GABBR2: variants seen among roughly 807,000 people sequenced by gnomAD.
The protein encoded by GABBR2 is G-protein coupled receptor 51.
Under a neutral mutation model 105.6 loss-of-function variants are expected in GABBR2, and 23 were observed. The observed-to-expected ratio is 0.22, with a 90% CI of 0.16 to 0.31. The LOEUF (loss-of-function observed/expected upper bound fraction) is 0.31. Among genes scored for constraint, GABBR2 ranks in the 10% least tolerant of loss-of-function variants. The pLI is 1.00. For synonymous variants in GABBR2, 478 were observed against 499.7 expected, an observed-to-expected ratio of 0.96 and a Z score of 0.58; for missense variants, 734 against 1,245.5, an observed-to-expected ratio of 0.59 and a Z score of 6.18.
intron 1 of GABBR2, among the ~76,000 whole-genome samples, chr9:98,649,527 C>T (rs1830076660): frequency 6.6e-6 from 1 of 152,162 alleles, no homozygotes; most frequent in African/African-American, 2.4e-5. Flanking sequence ...TCTTCATTTT[C>T]CTTTTACCCA....
intron 7 of GABBR2, among the ~76,000 whole-genome samples, chr9:98,424,090 T>C (rs1239716272): frequency 6.6e-6 from 1 of 152,174 alleles, no homozygotes; most frequent in Non-Finnish European, 1.5e-5. Flanking sequence ...AATAAAATAC[T>C]GGCAAACCGA....
chr9:98,520,445 C>T (rs148986525), intron 3 of GABBR2, among the ~76,000 whole-genome samples: 8 of 151,704 alleles, frequency 5.3e-5, no homozygotes, highest in Non-Finnish European at 1.0e-4. Flanking sequence ...AGCTTGGTGA[C>T]TCCCCACGGA....
At position 98,690,208 on chromosome 9, in the gene GABBR2, C is replaced by G. The variant is rs995431770; in HGVS notation, c.321+18209G>C. The stretch of plus-strand genomic sequence containing the variant: ...TTATCTAATTTAAGCATAAAATCAC[C>G]CTGAGAGAGGTTGGAGCAGGTGCCT... On this transcript the variant is annotated intron_variant, in intron 1 of 18. Coordinates refer to ENST00000259455, the MANE Select transcript of GABBR2 (RefSeq NM_005458.8). Among the ~76,000 whole-genome samples, 8 of 152,028 alleles carry G rather than the reference C, an allele frequency of 5.3e-5. 1 individual carries two copies. The highest frequency in any genetic ancestry group is 4.6e-4 in the Admixed American group (7 of 15,256).
At chr9:98,393,044 ATCCATC>A (rs1832215195) in intron 9 of GABBR2, among the ~76,000 whole-genome samples, 2 of 140,610 alleles carry the variant, frequency 1.4e-5, no homozygotes, top group Non-Finnish European at 3.1e-5. Flanking sequence ...CCATCCATCC[ATCCATC>A]CATCCATCCA....
At chr9:98,316,276 C>T (rs552792747) in intron 13 of GABBR2, among the ~76,000 whole-genome samples, 4 of 152,154 alleles carry the variant, frequency 2.6e-5, no homozygotes, top group South Asian at 2.1e-4. Flanking sequence ...CTCAGGCTCC[C>T]GAATAGCTGG....
intron 4 of GABBR2, among the ~76,000 whole-genome samples, chr9:98,492,131 C>G (rs1827186205): frequency 6.6e-6 from 1 of 151,792 alleles, no homozygotes; most frequent in Non-Finnish European, 1.5e-5. Context: ...GTAAGATTTT[C>G]TCCACTAAGT....
intron 5 of GABBR2, among the ~76,000 whole-genome samples, chr9:98,480,358 C>G (rs1394719084): frequency 6.6e-6 from 1 of 152,112 alleles, no homozygotes; most frequent in African/African-American, 2.4e-5. Context: ...GGGGATGGAG[C>G]CTTGGCTCTG....
intron 1 of GABBR2, among the ~76,000 whole-genome samples, chr9:98,599,843 G>A (rs1401465685): frequency 6.6e-6 from 1 of 152,212 alleles, no homozygotes; most frequent in African/African-American, 2.4e-5. Context: ...AGGAATGCCA[G>A]GGAGAGATGG....
At chr9:98,553,675 C>T (rs1221105353) in intron 2 of GABBR2, among the ~76,000 whole-genome samples, 3 of 152,166 alleles carry the variant, frequency 2.0e-5, no homozygotes, top group Non-Finnish European at 4.4e-5. Flanking sequence ...GAGCACGTAC[C>T]GTGGAGCAAG....
At chr9:98,440,434 C>G (rs968446077) in intron 7 of GABBR2, among the ~76,000 whole-genome samples, 3 of 152,154 alleles carry the variant, frequency 2.0e-5, no homozygotes, top group African/African-American at 7.2e-5. Flanking sequence ...TCTCCAGGTT[C>G]CACACTCTTA....
At chr9:98,456,065 G>A (rs1826320524) in intron 6 of GABBR2, among the ~76,000 whole-genome samples, 1 of 152,056 alleles carries the variant, frequency 6.6e-6, no homozygotes, top group African/African-American at 2.4e-5. Context: ...TTCTAGTCCA[G>A]CTCAGCTCCC....
chr9:98,605,445 C>T (rs1829401917), intron 1 of GABBR2, among the ~76,000 whole-genome samples: 2 of 152,224 alleles, frequency 1.3e-5, no homozygotes, highest in Non-Finnish European at 2.9e-5. Flanking sequence ...CGGACTCTCA[C>T]CTGCCTTACA....
intron 7 of GABBR2, among the ~76,000 whole-genome samples, chr9:98,449,046 T>C (rs1358147392): frequency 1.3e-5 from 2 of 152,200 alleles, no homozygotes; most frequent in Non-Finnish European, 2.9e-5. Context: ...TGCATCTTGA[T>C]TAGGAAAGCC....
chr9:98,502,713 G>GC (rs1454571862), intron 3 of GABBR2, among the ~76,000 whole-genome samples: 1 of 152,178 alleles, frequency 6.6e-6, no homozygotes, highest in Non-Finnish European at 1.5e-5. Flanking sequence ...CTGGGGTGCA[G>GC]CCCCCAGTCA....
intron 1 of GABBR2, among the ~76,000 whole-genome samples, chr9:98,598,418 T>C (rs1172366988): frequency 2.0e-5 from 3 of 152,146 alleles, no homozygotes; most frequent in Admixed American, 6.5e-5. Context: ...GGGAGATCTA[T>C]TGTTAATATC....
chr9:98,658,803 G>A (rs189501151), intron 1 of GABBR2, among the ~76,000 whole-genome samples: 79 of 152,258 alleles, frequency 5.2e-4, no homozygotes, highest in Admixed American at 4.3e-3. Context: ...CACAAGCCAC[G>A]TTAGTACTAG....
chr9:98,385,150 C>G (rs1003178815), intron 11 of GABBR2, among the ~76,000 whole-genome samples: 12 of 152,282 alleles, frequency 7.9e-5, no homozygotes, highest in African/African-American at 2.2e-4. Context: ...CCCTCCTTTT[C>G]TATGTTACTC....
intron 7 of GABBR2, among the ~76,000 whole-genome samples, chr9:98,407,551 A>G (rs1832513028): frequency 6.6e-6 from 1 of 152,244 alleles, no homozygotes; most frequent in South Asian, 2.1e-4. Flanking sequence ...ATTGAAAATC[A>G]CAAAACACCT....
At chr9:98,528,182 T>TAA (rs199695086) in intron 3 of GABBR2, among the ~76,000 whole-genome samples, 2,120 of 152,276 alleles carry the variant, frequency 0.014, 33 homozygotes, top group Middle Eastern at 0.054. Context: ...GCCTAAAGCA[T>TAA]AAGCAAAAGT....
Sources: gnomAD v4.1 joint callset for allele counts (sites outside exome capture counted in the v4.1 genomes callset) on GRCh38, gnomAD v4.1.1 for gene constraint, MANE v1.5 for transcripts, NCBI Gene and HGNC (gene_info 2026-07-23, HGNC 2026-07-21) for gene names.